Variants in UGT2A1 observed in about 807,000 individuals in gnomAD.
UGT2A1 encodes UDP glucuronosyltransferase family 2 member A1 complex locus.
Under a neutral mutation model 45.4 loss-of-function variants are expected in UGT2A1, and 61 were observed. The ratio of observed to expected loss-of-function variants is 1.34; its 90% CI spans 1.09 to 1.66. The LOEUF is 1.66. Among genes scored for constraint, UGT2A1 ranks in the 40% most tolerant of loss-of-function variants. The pLI is 0.00. For missense variants in UGT2A1, 649 were observed against 574.3 expected (o/e 1.13, Z -1.33); for synonymous variants, 229 against 196.2 (o/e 1.17, Z -1.40).
intron 3 of UGT2A1, among the ~76,000 whole-genome samples, chr4:69,616,094 A>T (rs1226819448): frequency 6.6e-6 from 1 of 152,014 alleles, no homozygotes; most frequent in African/African-American, 2.4e-5. Context: ...CCTCCAGTTA[A>T]GTCAAATGAA....
chr4:69,640,391 G>T (rs949027717), intron 2 of UGT2A1, among the ~76,000 whole-genome samples: 1 of 151,958 alleles, frequency 6.6e-6, no homozygotes, highest in African/African-American at 2.4e-5. Context: ...TAAGAGCGTA[G>T]TAATGTTAGC....
chr4:69,632,885 CAAAA>C (rs199639033), intron 3 of UGT2A1, among the ~76,000 whole-genome samples: 1 of 87,582 alleles, frequency 1.1e-5, no homozygotes, highest in Non-Finnish European at 2.5e-5. Context: ...AAGACTCGGT[CAAAA>C]AAAAAAAAAA....
intron 3 of UGT2A1, among the ~76,000 whole-genome samples, chr4:69,628,532 C>T (rs1721215405): frequency 6.6e-6 from 1 of 151,286 alleles, no homozygotes; most frequent in African/African-American, 2.4e-5. Flanking sequence ...ATGCCAGAAA[C>T]ACTAAATATC....
intron 6 of UGT2A1, among the ~76,000 whole-genome samples, chr4:69,591,366 G>A (rs1463774490): frequency 6.6e-6 from 1 of 152,124 alleles, no homozygotes; most frequent in African/African-American, 2.4e-5. Context: ...GGTGCATCCA[G>A]GCTATAGGTA....
Position 69,647,254 on chromosome 4 carries a change from T to G in UGT2A1, c.391A>C (p.Lys131Gln). The change falls in exon 2 of 7, where the codon AAA (lysine) becomes CAA (glutamine). Residue 131 changes from lysine (K) to glutamine (Q), a missense_variant. Lys to Gln is a moderately conservative substitution (Grantham distance 53, BLOSUM62 1). Coordinates refer to ENST00000286604, the MANE Select transcript of UGT2A1 (RefSeq NM_001252275.3). ...VSQEICDGVL[K>Q]NQQLMAKLKK... is the part of the protein sequence containing the mutation. ...AGCTTTGCCATCAGCTGTTGGTTTT[T>G]AAGAACGCCATCACAGATCTCCTGA... 1 of 1,613,386 alleles carries G rather than the reference T, an allele frequency of 6.2e-7. No homozygotes were observed. The highest frequency in any genetic ancestry group is 8.5e-7 in the Non-Finnish European group (1 of 1,179,508).
chr4:69,653,138 T>A (rs1306937546), intron 1 of UGT2A1, 50 bp downstream of exon 1: 1 of 152,168 alleles, frequency 6.6e-6, no homozygotes, highest in Non-Finnish European at 1.5e-5. Context: ...GGAAAATAAA[T>A]TAAAATATAC....
intron 3 of UGT2A1, among the ~76,000 whole-genome samples, chr4:69,601,749 G>GGTGCTA (rs1428620240): frequency 3.4e-5 from 3 of 87,120 alleles, no homozygotes; most frequent in Non-Finnish European, 4.6e-5. Flanking sequence ...GGTATCCACT[G>GGTGCTA]ATGGGAGACT....
chr4:69,591,951 TTA>T, intron 6 of UGT2A1, among the ~76,000 whole-genome samples: 1 of 152,306 alleles, frequency 6.6e-6, no homozygotes, highest in African/African-American at 2.4e-5. Context: ...ATTTCTAAAA[TTA>T]TGACTTATAC....
chr4:69,614,908 C>A (rs1020007899), intron 3 of UGT2A1, among the ~76,000 whole-genome samples: 1 of 151,984 alleles, frequency 6.6e-6, no homozygotes, highest in African/African-American at 2.4e-5. Context: ...AGGCCTCAGA[C>A]AACTTACAAT....
At chr4:69,591,142 A>G (rs1283770303) in intron 6 of UGT2A1, among the ~76,000 whole-genome samples, 1 of 152,204 alleles carries the variant, frequency 6.6e-6, no homozygotes, top group Non-Finnish European at 1.5e-5. Flanking sequence ...CAATGAAATG[A>G]ATCAAAATCT....
At position 69,637,235 on chromosome 4, in the gene UGT2A1, A is replaced by G. The variant is rs905680260; in HGVS notation, c.716-1413T>C. 4.6e-5 allele frequency among the ~76,000 whole-genome samples: 7 copies of G among 152,188 alleles called. No homozygotes were observed. The East Asian group carries it at 1.3e-3, about 29-fold the overall frequency. ...GAACTATACTTGTAAAATTTTAGTT[A>G]TAGCATCTTCAAAAATAAACTCAAA... On this transcript the variant is annotated intron_variant, in intron 2 of 6. Transcript: ENST00000286604.
At chr4:69,608,648 A>G (rs1719832942) in intron 3 of UGT2A1, among the ~76,000 whole-genome samples, 1 of 152,094 alleles carries the variant, frequency 6.6e-6, no homozygotes, top group South Asian at 2.1e-4. Context: ...AAAAAATGCA[A>G]AGAAATGGAC....
rs1721445933 is a variant in UGT2A1, at chr4:69,632,572, C to T, written c.847+3119G>A. 1.3e-5 allele frequency among the ~76,000 whole-genome samples: 2 copies of T among 152,046 alleles called. 1 individual carries two copies. The highest frequency in any genetic ancestry group is 4.2e-4 in the South Asian group (2 of 4,808). On this transcript the variant is annotated intron_variant, in intron 3 of 6. Transcript: ENST00000286604. ...GCACGACAATAGTAAATATGGAAAT[C>T]ATCCTTAGTGAATATATTTTTATAA...
In UGT2A1 at chr4:69,599,316, G is replaced by A. The variant is rs369119599; in HGVS notation, c.926C>T (p.Pro309Leu). Residue 309 changes from proline (P) to leucine (L), a missense_variant, in exon 4 of 7, where the codon CCT becomes CTT. Physicochemically the swap from Pro to Leu is moderately conservative, Grantham distance 98. Coordinates refer to ENST00000286604, the MANE Select transcript of UGT2A1 (RefSeq NM_001252275.3). ...CTCAAAATTAGGTAAGTATGGACGA[G>A]GAAATTCAAAATCCCAATATGTTCG... is the stretch of plus-strand genomic sequence containing the variant. ...LIRTYWDFEFPRPYLPNFEFV... is the reference protein window; with the variant it reads ...LIRTYWDFEFLRPYLPNFEFV... 1.8e-5 allele frequency: 29 copies of A among 1,613,796 alleles called. No individual in the cohort carries two copies. In the East Asian group the frequency reaches 4.7e-4, roughly 26 times the overall value.
intron 3 of UGT2A1, among the ~76,000 whole-genome samples, chr4:69,633,658 T>C (rs1721510476): frequency 6.6e-6 from 1 of 152,172 alleles, no homozygotes; most frequent in Non-Finnish European, 1.5e-5. Flanking sequence ...TGTACGAATT[T>C]CAAAAACATA....
At chr4:69,632,556 T>C (rs955049695) in intron 3 of UGT2A1, among the ~76,000 whole-genome samples, 1 of 152,028 alleles carries the variant, frequency 6.6e-6, no homozygotes. Context: ...TGCACGACAA[T>C]AGTAAATATG....
intron 3 of UGT2A1, among the ~76,000 whole-genome samples, chr4:69,620,706 G>A (rs1000639238): frequency 2.7e-4 from 40 of 146,670 alleles, no homozygotes; most frequent in Admixed American, 1.0e-3. Context: ...CAAAAAGAAC[G>A]AAGATGGAGT....
chr4:69,611,903 C>T (rs911375043), intron 3 of UGT2A1, among the ~76,000 whole-genome samples: 47 of 152,040 alleles, frequency 3.1e-4, no homozygotes, highest in Non-Finnish European at 6.2e-4. Context: ...TTCAACTCCC[C>T]AAATCTACCC....
chr4:69,630,687 T>G (rs1721332474), intron 3 of UGT2A1, among the ~76,000 whole-genome samples: 3 of 152,086 alleles, frequency 2.0e-5, no homozygotes, highest in African/African-American at 7.2e-5. Context: ...AAAAACCATT[T>G]ATTATAGCCA....
Sources: allele counts gnomAD v4.1 joint callset (sites outside exome capture counted in the v4.1 genomes callset), GRCh38; gene constraint gnomAD v4.1.1; transcripts MANE v1.5; gene names NCBI Gene and HGNC (gene_info 2026-07-23, HGNC 2026-07-21).